Variants in HEPH observed in about 807,000 individuals in gnomAD.
HEPH encodes the protein hephaestin.
HEPH carries 69 observed loss-of-function variants against 80.8 expected under a neutral mutation model. The observed-to-expected ratio is 0.85, with a 90% CI of 0.70 to 1.04. The LOEUF (loss-of-function observed/expected upper bound fraction) is 1.04. Among genes scored for constraint, HEPH ranks in the 50% least tolerant of loss-of-function variants. The probability of loss-of-function intolerance (pLI) is 0.00; values close to 1 mark genes in which losing one functional copy is unlikely to be tolerated. For synonymous variants in HEPH, 431 were observed against 322.8 expected (o/e 1.34, Z -3.60); for missense variants, 1,115 against 891.3 (o/e 1.25, Z -3.20).
chrX:66,221,926 G>T (rs1376639863), intron 15 of HEPH, among the ~76,000 whole-genome samples: 1 of 112,078 alleles, frequency 8.9e-6, no homozygotes, highest in Non-Finnish European at 1.9e-5. Context: ...CCCATAAGGG[G>T]CTTCTCTTGT....
At chrX:66,236,544 G>A (rs1300756640) in intron 15 of HEPH, among the ~76,000 whole-genome samples, 1 of 111,954 alleles carries the variant, frequency 8.9e-6, no homozygotes, top group Non-Finnish European at 1.9e-5. Context: ...ATTTTCATCA[G>A]TGTTCATCAA....
At position 66,230,415 on chromosome X, in the gene HEPH, C is replaced by G. The variant is rs1419677196; in HGVS notation, c.2563+22169C>G. Among the ~76,000 whole-genome samples the G allele has an allele frequency of 2.8e-5, 3 of 106,820 alleles. No individual in the cohort carries two copies. The South Asian group carries it at 1.2e-3, about 44-fold the overall frequency. 92.8% of individuals were successfully genotyped at this position (106,820 alleles called of 115,157 possible). Reference sequence around the variant, plus strand: ...CAACAGTGTAAGAGTGTTCCTATTTCTCCACATCCTCTCCAGCACCTGTTG... The same window carrying G: ...CAACAGTGTAAGAGTGTTCCTATTTGTCCACATCCTCTCCAGCACCTGTTG... On this transcript the variant is annotated intron_variant, in intron 15 of 20. Transcript: ENST00000343002.
intron 15 of HEPH, 119 bp from the exon 16 acceptor site, chrX:66,254,916 A>G (rs2091123707): frequency 5.0e-6 from 2 of 396,327 alleles, no homozygotes; most frequent in Non-Finnish European, 8.8e-6. Flanking sequence ...TGATGGAGGA[A>G]TGATGAAGAA....
At chrX:66,256,994 T>A (rs2091202382) in intron 17 of HEPH, among the ~76,000 whole-genome samples, 1 of 112,322 alleles carries the variant, frequency 8.9e-6, no homozygotes, top group Admixed American at 9.4e-5. Flanking sequence ...ATAAGTGCAG[T>A]AGAATGAAGT....
chrX:66,192,638 T>C (rs948722392), intron 7 of HEPH, among the ~76,000 whole-genome samples: 2 of 112,049 alleles, frequency 1.8e-5, no homozygotes, highest in Non-Finnish European at 3.8e-5. Context: ...TTATTCCAGG[T>C]TTCTTCACTT....
At position 66,189,952 on chromosome X, in the gene HEPH, T is replaced by A; in HGVS notation, c.1063+14T>A. On this transcript the variant is annotated intron_variant, in intron 6 of 20. Coordinates refer to ENST00000343002, the MANE Select transcript of HEPH (RefSeq NM_001367233.3). ...GTCACTTTCGAGGTGAGATCCAACA[T>A]TTCTGACCATTGGGTTGTAAGAGAG... 1 of 1,162,085 alleles carries A rather than the reference T, an allele frequency of 8.6e-7. No homozygotes were observed. The highest frequency in any genetic ancestry group is 2.0e-5 in the South Asian group (1 of 51,121).
Position 66,261,078 on chromosome X carries a change from A to C in HEPH, c.3199+816A>C, listed in dbSNP as rs144414200. The stretch of plus-strand genomic sequence containing the variant: ...AGGCATAAGGCACTGAACCTGGCCT[A>C]GTTTTTATTTTTTAGGCAGGGTTTT... On this transcript the variant is annotated intron_variant, in intron 19 of 20. Coordinates refer to ENST00000343002, the MANE Select transcript of HEPH (RefSeq NM_001367233.3). Among the ~76,000 whole-genome samples the C allele has an allele frequency of 1.2e-3, 130 of 111,837 alleles. 5 individuals carry two copies. In the East Asian group the frequency reaches 0.035, roughly 30 times the overall value.
intron 15 of HEPH, among the ~76,000 whole-genome samples, chrX:66,242,445 A>G (rs1482127925): frequency 8.9e-6 from 1 of 111,980 alleles, no homozygotes; most frequent in Admixed American, 9.5e-5. Context: ...ATCATTATGC[A>G]CATAGGCCTT....
At chrX:66,249,351 G>C (rs1201569589) in intron 15 of HEPH, among the ~76,000 whole-genome samples, 1 of 111,922 alleles carries the variant, frequency 8.9e-6, no homozygotes, top group Non-Finnish European at 1.9e-5. Flanking sequence ...CTGTCTCATA[G>C]GGATTTTGAA....
rs111907896 is a variant in HEPH at position 66,250,305 on chromosome X, C to A, written c.2564-4730C>A. Among the ~76,000 whole-genome samples the A allele has an allele frequency of 9.8e-3, 1,090 of 111,685 alleles. 21 individuals are homozygous for A. Among genetic ancestry groups the A allele is most frequent in the African/African-American group, 0.034 (1,051 of 30,782 alleles). On this transcript the variant is annotated intron_variant, in intron 15 of 20. Coordinates refer to ENST00000343002, the MANE Select transcript of HEPH (RefSeq NM_001367233.3). ...CTTTCACCTCTGACTCTTCTTTAAG[C>A]TCTCCTCATTCCTTGAGATTCAGAC...
intron 15 of HEPH, among the ~76,000 whole-genome samples, chrX:66,209,505 G>C (rs1167977154): frequency 1.8e-5 from 2 of 111,569 alleles, no homozygotes; most frequent in Non-Finnish European, 3.8e-5. Flanking sequence ...TATGGGTGAA[G>C]GTAAAGTACA....
At chrX:66,249,952 G>T (rs763806386) in intron 15 of HEPH, among the ~76,000 whole-genome samples, 1 of 111,570 alleles carries the variant, frequency 9.0e-6, no homozygotes, top group South Asian at 3.8e-4. Flanking sequence ...GAAGACATGA[G>T]AGTGCAGGAT....
At position 66,173,686 on chromosome X, in the gene HEPH, C is replaced by A; in HGVS notation, c.510C>A (p.Gly170=). 8.3e-7 allele frequency: 1 copy of A among 1,209,631 alleles called. No homozygotes were observed. ...SHIYNWTIPE[G]HAPTDADPAC... ...TCTACAACTGGACCATTCCAGAAGG[C>A]CATGCACCCACCGATGCTGACCCAG... The change falls in exon 4 of 21, where the codon GGC becomes GGA. Residue 170 remains glycine (G), a synonymous_variant. Transcript: ENST00000343002.
intron 15 of HEPH, among the ~76,000 whole-genome samples, chrX:66,244,858 G>A (rs954875508): frequency 1.0e-4 from 11 of 107,875 alleles, no homozygotes; most frequent in Non-Finnish European, 1.9e-4. Flanking sequence ...ATTCCCTTGG[G>A]GATTTGATTG....
chrX:66,242,877 A>T (rs1033507342), intron 15 of HEPH, among the ~76,000 whole-genome samples: 2 of 111,692 alleles, frequency 1.8e-5, no homozygotes, highest in African/African-American at 6.5e-5. Context: ...TGCCAATGAG[A>T]TTGTGGATAA....
chrX:66,230,110 A>G (rs1165984141), intron 15 of HEPH, among the ~76,000 whole-genome samples: 1 of 97,671 alleles, frequency 1.0e-5, no homozygotes, highest in Admixed American at 1.1e-4. Context: ...TGAACTCATC[A>G]TTTTTTATGG....
chrX:66,195,677 T>C (rs977978712), intron 9 of HEPH, among the ~76,000 whole-genome samples: 5 of 111,647 alleles, frequency 4.5e-5, no homozygotes, highest in African/African-American at 1.6e-4. Context: ...ACAAACATTT[T>C]AATGACTATA....
chrX:66,250,818 T>A (rs903230021), intron 15 of HEPH, among the ~76,000 whole-genome samples: 1 of 111,819 alleles, frequency 8.9e-6, no homozygotes, highest in Non-Finnish European at 1.9e-5. Flanking sequence ...CTTTTCACTG[T>A]TAAAGGGAAT....
chrX:66,165,782 T>C (rs976442106), intron 1 of HEPH, among the ~76,000 whole-genome samples: 5 of 111,744 alleles, frequency 4.5e-5, no homozygotes, highest in Non-Finnish European at 9.4e-5. Flanking sequence ...TTCCTTTGAG[T>C]GCCTATTCCT....
Sources: allele counts gnomAD v4.1 joint callset (sites outside exome capture counted in the v4.1 genomes callset), GRCh38; gene constraint gnomAD v4.1.1; transcripts MANE v1.5; gene names NCBI Gene and HGNC (gene_info 2026-07-23, HGNC 2026-07-21).